PDE4D: variants seen among roughly 807,000 people sequenced by gnomAD.
The protein encoded by PDE4D is phosphodiesterase 4D, also known as 3',5'-cyclic-AMP phosphodiesterase 4D.
A neutral mutation model predicts 87.4 loss-of-function variants in PDE4D; 24 were observed. That is an observed-to-expected ratio of 0.27 (90% CI 0.20 to 0.39). The LOEUF is 0.39. PDE4D is among the 10% of genes least tolerant of loss of function. PDE4D has a pLI of 1.00. For synonymous variants in PDE4D, 384 were observed against 383.2 expected, an observed-to-expected ratio of 1.00 and a Z score of -0.02; for missense variants, 714 against 1,041.0, an observed-to-expected ratio of 0.69 and a Z score of 4.32.
At chr5:59,511,188 A>G (rs1810227133) in intron 1 of PDE4D, among the ~76,000 whole-genome samples, 1 of 151,928 alleles carries the variant, frequency 6.6e-6, no homozygotes, top group Non-Finnish European at 1.5e-5. Flanking sequence ...TTCTAGAGCC[A>G]TCATTTCTAA....
At chr5:59,594,842 C>T (rs1029288532) in intron 1 of PDE4D, among the ~76,000 whole-genome samples, 1 of 151,834 alleles carries the variant, frequency 6.6e-6, no homozygotes, top group East Asian at 1.9e-4. Flanking sequence ...ATAGAATATA[C>T]AATACTAAGA....
intron 6 of PDE4D, among the ~76,000 whole-genome samples, chr5:59,008,797 G>C (rs1384578969): frequency 6.6e-6 from 1 of 152,044 alleles, no homozygotes; most frequent in Non-Finnish European, 1.5e-5. Context: ...CCACAGACTT[G>C]AGAAGGGAAT....
intron 5 of PDE4D, among the ~76,000 whole-genome samples, chr5:59,065,269 A>G (rs958500207): frequency 6.6e-6 from 1 of 152,130 alleles, no homozygotes; most frequent in African/African-American, 2.4e-5. Context: ...TTACATGTAT[A>G]ATCCAAAATA....
chr5:59,180,568 GA>G, intron 5 of PDE4D, 26 bp downstream of exon 5: 1 of 1,603,890 alleles, frequency 6.2e-7, no homozygotes, highest in Non-Finnish European at 8.5e-7. Context: ...CTAGACACAT[GA>G]AGAATAAGCT....
chr5:59,403,187 A>AGACT (rs1791001122), intron 1 of PDE4D, among the ~76,000 whole-genome samples: 2 of 150,762 alleles, frequency 1.3e-5, no homozygotes, highest in Admixed American at 1.3e-4. Context: ...ATAGATAGAT[A>AGACT]GATTGATTGA....
At chr5:60,446,815 G>A (rs1297269812) in intron 1 of PDE4D, among the ~76,000 whole-genome samples, 2 of 152,030 alleles carry the variant, frequency 1.3e-5, no homozygotes, top group Non-Finnish European at 1.5e-5. Context: ...TGCTCATACT[G>A]GCCTCTTCAA....
At chr5:59,014,152 T>C (rs1753459698) in intron 6 of PDE4D, among the ~76,000 whole-genome samples, 1 of 152,142 alleles carries the variant, frequency 6.6e-6, no homozygotes, top group Admixed American at 6.5e-5. Context: ...TATCTCAAAA[T>C]AGTAAGAGCT....
intron 1 of PDE4D, among the ~76,000 whole-genome samples, chr5:59,560,523 T>C (rs972182180): frequency 6.6e-6 from 1 of 152,168 alleles, no homozygotes; most frequent in Non-Finnish European, 1.5e-5. Flanking sequence ...TCTGCGACTT[T>C]TCATCTTTAG....
intron 1 of PDE4D, among the ~76,000 whole-genome samples, chr5:59,667,044 G>A (rs1014653153): frequency 5.9e-5 from 9 of 152,164 alleles, no homozygotes; most frequent in Non-Finnish European, 8.8e-5. Flanking sequence ...CTTAGGAAAT[G>A]TCAAAATGAA....
rs139395284 is a variant in PDE4D at position 59,205,417 on chromosome 5, C to T, written c.647+10360G>A. Among the ~76,000 whole-genome samples the T allele has an allele frequency of 2.6e-5, 4 of 152,190 alleles. No homozygotes were observed. The East Asian group carries it at 5.8e-4, about 22-fold the overall frequency. The stretch of plus-strand genomic sequence containing the variant: ...TTTACTGGGTCATAAAATCCCAAGG[C>T]ATGGAAATGTTCAGTGTAGCTGGAT... On this transcript the variant is annotated intron_variant, in intron 2 of 14. Coordinates refer to ENST00000340635, the MANE Select transcript of PDE4D (RefSeq NM_001104631.2).
At position 59,916,327 on chromosome 5, in the gene PDE4D, T is replaced by A. The variant is rs112957241; in HGVS notation, c.272+72161A>T. ...AAGGTGTGTGTATATACAACCGTAT[T>A]ACAAGAATGAGCTACTCTGCCCTTG... is the stretch of plus-strand genomic sequence containing the variant. On this transcript the variant is annotated intron_variant, in intron 3 of 16. Transcript: ENST00000502484. 2.2e-4 allele frequency among the ~76,000 whole-genome samples: 34 copies of A among 152,338 alleles called. 1 individual carries two copies. Among genetic ancestry groups the A allele is most frequent in the African/African-American group, 7.7e-4 (32 of 41,584 alleles).
At chr5:59,926,218 A>C (rs949686313) in intron 3 of PDE4D, among the ~76,000 whole-genome samples, 4 of 152,186 alleles carry the variant, frequency 2.6e-5, no homozygotes, top group Non-Finnish European at 5.9e-5. Flanking sequence ...GAATTTTGGA[A>C]ACTAAACAAA....
chr5:59,707,159 G>A (rs966404985), intron 1 of PDE4D, among the ~76,000 whole-genome samples: 5 of 152,122 alleles, frequency 3.3e-5, no homozygotes, highest in Admixed American at 2.6e-4. Flanking sequence ...ACACAGAAGT[G>A]AGACATCACT....
chr5:60,346,568 T>C (rs1004281785), intron 1 of PDE4D, among the ~76,000 whole-genome samples: 7 of 152,132 alleles, frequency 4.6e-5, no homozygotes, highest in Admixed American at 2.0e-4. Context: ...TTGTGCCCAA[T>C]CTACTGGGCA....
chr5:59,151,619 T>C (rs778168655), intron 5 of PDE4D, among the ~76,000 whole-genome samples: 4 of 152,190 alleles, frequency 2.6e-5, no homozygotes, highest in Non-Finnish European at 4.4e-5. Context: ...TCCCTGTGTA[T>C]GGCAGCAGAG....
At chr5:59,264,953 C>T (rs561335845) in intron 1 of PDE4D, among the ~76,000 whole-genome samples, 7 of 151,912 alleles carry the variant, frequency 4.6e-5, no homozygotes, top group Non-Finnish European at 7.4e-5. Flanking sequence ...GCTGGGATGG[C>T]GGGACAAAGG....
intron 5 of PDE4D, among the ~76,000 whole-genome samples, chr5:59,129,074 G>A (rs1016153694): frequency 2.0e-5 from 3 of 151,912 alleles, no homozygotes; most frequent in Non-Finnish European, 4.4e-5. Flanking sequence ...ACTTGCCAAG[G>A]GAGTTTCCAT....
chr5:59,002,207 G>A (rs1342391858), intron 6 of PDE4D: 1 of 353,892 alleles, frequency 2.8e-6, no homozygotes, highest in Non-Finnish European at 5.5e-6. Flanking sequence ...GGTTCACTCT[G>A]GTACTGAGAA....
At chr5:59,946,546 C>A (rs1375996169) in intron 3 of PDE4D, among the ~76,000 whole-genome samples, 1 of 152,220 alleles carries the variant, frequency 6.6e-6, no homozygotes, top group African/African-American at 2.4e-5. Context: ...GGGTTCCCAA[C>A]ATGCTATGCA....
Sources: gnomAD v4.1 joint callset for allele counts (sites outside exome capture counted in the v4.1 genomes callset) on GRCh38, gnomAD v4.1.1 for gene constraint, MANE v1.5 for transcripts, NCBI Gene and HGNC (gene_info 2026-07-23, HGNC 2026-07-21) for gene names.